The following MRTFB variants were observed in gnomAD, a reference collection of about 807,000 sequenced individuals.
MRTFB encodes the protein myocardin related transcription factor B, also known as myocardin-related transcription factor B.
In MRTFB, 29 loss-of-function variants were observed where a neutral mutation model predicts 104.2. The observed-to-expected ratio is 0.28, with a 90% CI of 0.21 to 0.38. MRTFB has a LOEUF of 0.38. MRTFB is among the 10% of genes least tolerant of loss of function. The pLI, the probability that MRTFB is intolerant of heterozygous loss-of-function variation, is 1.00. For synonymous variants in MRTFB, 535 were observed against 519.5 expected, an observed-to-expected ratio of 1.03 and a Z score of -0.41; for missense variants, 1,270 against 1,341.6, an observed-to-expected ratio of 0.95 and a Z score of 0.83.
At position 14,265,386 on chromosome 16, in the gene MRTFB, G is replaced by A. The variant is rs1448070218; in HGVS notation, c.*3942G>A. ...ATTATCAAAGAACATTAACTGGAAG[G>A]TCAGGTTTTTCAAGGAACATAGCTT... is the stretch of plus-strand genomic sequence containing the variant. On this transcript the variant is annotated 3_prime_UTR_variant, in exon 17 of 17. Transcript: ENST00000571589. 1 of 152,170 alleles carries A rather than the reference G, an allele frequency of 6.6e-6. No homozygotes were observed. Among genetic ancestry groups the A allele is most frequent in the Admixed American group, 6.5e-5 (1 of 15,272 alleles). 9.4% of individuals were successfully genotyped at this position (152,170 alleles called of 1,614,324 possible). A position where few individuals can be genotyped will look rare whatever the true frequency, so the allele number is the denominator to read the frequency against.
At chr16:14,187,087 G>C in intron 3 of MRTFB, 1 of 1,476,870 alleles carries the variant, frequency 6.8e-7, no homozygotes, top group Non-Finnish European at 9.2e-7. Context: ...ATTCTGGTCA[G>C]CCAGCTGAGC....
intron 3 of MRTFB, among the ~76,000 whole-genome samples, chr16:14,193,159 C>A (rs1567437716): frequency 8.4e-6 from 1 of 119,742 alleles, no homozygotes. Flanking sequence ...CAGGAGTGAT[C>A]ATTGTATTGC....
rs750694567 is a variant in MRTFB at position 14,246,947 on chromosome 16, C to T, written c.1687C>T (p.Leu563=). Residue 563 remains leucine, a synonymous_variant, in exon 12 of 17, where the codon CTG becomes TTG. Coordinates refer to ENST00000571589, the MANE Select transcript of MRTFB (RefSeq NM_001308142.2). ...TCCCACCAGCAGCACTCTGTCAAAC[C>T]TGGAACTGGATGCAGCCGAAAAGGA... ...LSPTSSTLSN[L]ELDAAEKDRK... is the part of the protein sequence containing the mutation. The T allele has an allele frequency of 4.3e-6, 7 of 1,614,076 alleles. No individual in the cohort carries two copies. The highest frequency in any genetic ancestry group is 5.9e-6 in the Non-Finnish European group (7 of 1,180,042).
At chr16:14,160,209 G>C (rs569022516) in intron 3 of MRTFB, among the ~76,000 whole-genome samples, 11 of 152,102 alleles carry the variant, frequency 7.2e-5, no homozygotes, top group African/African-American at 2.7e-4. Flanking sequence ...GTCTTATTTA[G>C]CATTGCAGAG....
the MRTFB span, among the ~76,000 whole-genome samples, chr16:14,037,124 G>A: frequency 6.6e-6 from 1 of 152,222 alleles, no homozygotes; most frequent in East Asian, 1.9e-4. Context: ...TTGCTTTGGA[G>A]TTGGGCAGGC....
the MRTFB span, among the ~76,000 whole-genome samples, chr16:14,033,566 GTGGCTCACACC>G: frequency 6.6e-6 from 1 of 151,944 alleles, no homozygotes; most frequent in African/African-American, 2.4e-5. Flanking sequence ...ACCAGGTACA[GTGGCTCACACC>G]TCTAATCCCA....
At chr16:14,170,331 G>A (rs2039382925) in intron 3 of MRTFB, 1 of 152,206 alleles carries the variant, frequency 6.6e-6, no homozygotes, top group Non-Finnish European at 1.5e-5. Flanking sequence ...ATGCACGCCT[G>A]TAGTCCCAAC....
At chr16:14,018,633 GGC>G in the MRTFB span, among the ~76,000 whole-genome samples, 1 of 152,100 alleles carries the variant, frequency 6.6e-6, no homozygotes, top group Non-Finnish European at 1.5e-5. Context: ...ATTTGCACCT[GGC>G]ATCATGAGCT....
the MRTFB span, among the ~76,000 whole-genome samples, chr16:14,046,117 C>T: frequency 6.6e-6 from 1 of 152,108 alleles, no homozygotes; most frequent in Admixed American, 6.5e-5. Context: ...TCAGTTAAGG[C>T]ACTACTTACT....
chr16:14,183,511 T>G (rs1203158524), intron 3 of MRTFB, among the ~76,000 whole-genome samples: 2 of 152,294 alleles, frequency 1.3e-5, no homozygotes, highest in African/African-American at 2.4e-5. Flanking sequence ...TTTTATGTGT[T>G]TGTTTTTTTT....
At chr16:14,070,016 C>A (rs936308598), upstream of MRTFB, among the ~76,000 whole-genome samples, 4 of 152,144 alleles carry the variant, frequency 2.6e-5, no homozygotes. Context: ...CAATTGGTTC[C>A]GGGGAGAGTG....
chr16:14,254,490 A>G (rs940396883), intron 15 of MRTFB, among the ~76,000 whole-genome samples: 50 of 152,344 alleles, frequency 3.3e-4, no homozygotes, highest in African/African-American at 1.1e-3. Flanking sequence ...GGAAATCCAG[A>G]TAACTGAATT....
chr16:14,077,050 C>G (rs949477661), intron 1 of MRTFB, among the ~76,000 whole-genome samples: 4 of 152,140 alleles, frequency 2.6e-5, no homozygotes, highest in Non-Finnish European at 5.9e-5. Flanking sequence ...TGCAGTTTCC[C>G]TCAACTTGTC....
chr16:14,087,019 T>G (rs1276972000), intron 2 of MRTFB, among the ~76,000 whole-genome samples: 1 of 152,138 alleles, frequency 6.6e-6, no homozygotes, highest in African/African-American at 2.4e-5. Flanking sequence ...AAAAATTTTG[T>G]CTTCATATAC....
intron 2 of MRTFB, among the ~76,000 whole-genome samples, chr16:14,117,104 C>T (rs922459743): frequency 1.3e-5 from 2 of 152,186 alleles, no homozygotes; most frequent in African/African-American, 4.8e-5. Flanking sequence ...CTGTTCTTCT[C>T]TTTGAATAAC....
chr16:14,004,078 G>A, the MRTFB span, among the ~76,000 whole-genome samples: 1 of 151,886 alleles, frequency 6.6e-6, no homozygotes, highest in Non-Finnish European at 1.5e-5. Context: ...GGACTGGTGG[G>A]AGGCAGGCAG....
intron 3 of MRTFB, among the ~76,000 whole-genome samples, chr16:14,176,876 G>T (rs1235084724): frequency 6.6e-6 from 1 of 152,214 alleles, no homozygotes; most frequent in Non-Finnish European, 1.5e-5. Flanking sequence ...ATGGTGTGCT[G>T]AGTCCTTTGA....
intron 2 of MRTFB, among the ~76,000 whole-genome samples, chr16:14,129,674 C>G (rs80131448): frequency 6.3e-4 from 96 of 152,320 alleles, no homozygotes; most frequent in African/African-American, 2.2e-3. Flanking sequence ...GCTAGGGTTC[C>G]TATTTCTCCA....
At chr16:14,160,954 G>A (rs1035207690) in intron 3 of MRTFB, among the ~76,000 whole-genome samples, 1 of 151,980 alleles carries the variant, frequency 6.6e-6, no homozygotes, top group South Asian at 2.1e-4. Flanking sequence ...ATTAGCCCTT[G>A]CTGTAAGAAT....
Sources: allele counts gnomAD v4.1 joint callset (sites outside exome capture counted in the v4.1 genomes callset), GRCh38; gene constraint gnomAD v4.1.1; transcripts MANE v1.5; gene names NCBI Gene and HGNC (gene_info 2026-07-23, HGNC 2026-07-21).